The following CHST8 variants were observed in gnomAD, a reference collection of about 807,000 sequenced individuals.
CHST8 encodes GALNAC-4-ST1.
A neutral mutation model predicts 15.0 loss-of-function variants in CHST8; 10 were observed. The observed-to-expected ratio is 0.67, with a 90% CI of 0.41 to 1.13. The LOEUF is 1.13. Ranked by LOEUF, CHST8 falls within the 50% of genes most tolerant of loss-of-function variation. The pLI, the probability that CHST8 is intolerant of heterozygous loss-of-function variation, is 0.00. For missense variants in CHST8, 634 were observed against 608.2 expected (o/e 1.04, Z -0.45); for synonymous variants, 259 against 256.6 (o/e 1.01, Z -0.09).
intron 1 of CHST8, among the ~76,000 whole-genome samples, chr19:33,663,976 A>C (rs1388116318): frequency 2.0e-5 from 3 of 152,262 alleles, no homozygotes; most frequent in Non-Finnish European, 4.4e-5. Context: ...AAACCGTAGC[A>C]CAATATGTAC....
At chr19:33,745,273 A>G (rs1341584882) in intron 3 of CHST8, among the ~76,000 whole-genome samples, 1 of 152,166 alleles carries the variant, frequency 6.6e-6, no homozygotes, top group African/African-American at 2.4e-5. Flanking sequence ...AGCCAATGCC[A>G]TTGTTCCCAA....
chr19:33,672,960 G>T (rs564979608), intron 2 of CHST8, among the ~76,000 whole-genome samples: 3 of 152,180 alleles, frequency 2.0e-5, no homozygotes, highest in African/African-American at 7.2e-5. Flanking sequence ...GGCAGGACGC[G>T]CCCAGGTCCA....
At chr19:33,689,129 C>A in intron 2 of CHST8, 47 bp from the exon 3 acceptor site, 2 of 1,107,308 alleles carry the variant, frequency 1.8e-6, no homozygotes, top group Non-Finnish European at 2.4e-6. Flanking sequence ...TACACCTGCC[C>A]GGGTGCCTCG....
At chr19:33,724,839 C>T (rs1398402458) in intron 3 of CHST8, among the ~76,000 whole-genome samples, 2 of 152,202 alleles carry the variant, frequency 1.3e-5, no homozygotes, top group Non-Finnish European at 2.9e-5. Context: ...TGGGCACTGA[C>T]AGAGCCTGCT....
intron 3 of CHST8, among the ~76,000 whole-genome samples, chr19:33,723,535 C>T (rs553874187): frequency 6.6e-6 from 1 of 152,328 alleles, no homozygotes; most frequent in East Asian, 1.9e-4. Context: ...CCCTGCTCAG[C>T]TGGTGCCTAG....
At chr19:33,660,919 G>T (rs1972577435) in intron 1 of CHST8, among the ~76,000 whole-genome samples, 1 of 152,100 alleles carries the variant, frequency 6.6e-6, no homozygotes, top group Admixed American at 6.5e-5. Context: ...TGAAGCCAAA[G>T]ACCCTCCCAG....
intron 3 of CHST8, among the ~76,000 whole-genome samples, chr19:33,759,827 G>T (rs1379548594): frequency 1.3e-5 from 2 of 152,196 alleles, no homozygotes; most frequent in East Asian, 3.9e-4. Context: ...GCGAGTTCAG[G>T]CCAACTTGTC....
At chr19:33,707,487 T>A (rs888608870) in intron 3 of CHST8, among the ~76,000 whole-genome samples, 1 of 152,234 alleles carries the variant, frequency 6.6e-6, no homozygotes, top group African/African-American at 2.4e-5. Flanking sequence ...TTTCTAAACA[T>A]TTCATATCAA....
At chr19:33,752,421 C>T (rs961454375) in intron 3 of CHST8, among the ~76,000 whole-genome samples, 1 of 148,676 alleles carries the variant, frequency 6.7e-6, no homozygotes, top group African/African-American at 2.6e-5. Flanking sequence ...CATAAGATTC[C>T]TTTATCTCTT....
chr19:33,749,508 T>C (rs1396542509), intron 3 of CHST8, among the ~76,000 whole-genome samples: 1 of 146,706 alleles, frequency 6.8e-6, no homozygotes, highest in African/African-American at 2.5e-5. Context: ...GCCGATGCTA[T>C]GAGCTCTTCA....
At chr19:33,719,825 G>A (rs1370585233) in intron 3 of CHST8, among the ~76,000 whole-genome samples, 1 of 152,010 alleles carries the variant, frequency 6.6e-6, no homozygotes. Context: ...CATGACACGT[G>A]ATACCCACTG....
intron 3 of CHST8, among the ~76,000 whole-genome samples, chr19:33,703,971 G>T (rs1349184124): frequency 3.3e-5 from 5 of 152,218 alleles, no homozygotes; most frequent in Non-Finnish European, 7.3e-5. Context: ...GGGGGTGGAG[G>T]AGCTCCTGGG....
chr19:33,692,237 G>T lies in CHST8; in HGVS notation c.130+2846G>T, dbSNP rs116570454. On this transcript the variant is annotated intron_variant, in intron 3 of 4. Coordinates refer to ENST00000650847, the MANE Select transcript of CHST8 (RefSeq NM_001127895.2). The stretch of plus-strand genomic sequence containing the variant: ...ATCCGATGCGAAGATGAAGTTTTGT[G>T]TAACAGAGAATTCACTTCTCCAGTT... 9.5e-3 allele frequency among the ~76,000 whole-genome samples: 1,447 copies of T among 152,314 alleles called. 21 individuals carry two copies. Among genetic ancestry groups the T allele is most frequent in the African/African-American group, 0.032 (1,321 of 41,574 alleles).
intron 3 of CHST8, among the ~76,000 whole-genome samples, chr19:33,766,020 A>G (rs1322636461): frequency 1.3e-5 from 2 of 152,088 alleles, no homozygotes; most frequent in African/African-American, 2.4e-5. Flanking sequence ...CCTCCTTCCC[A>G]TGCAAGCTGC....
chr19:33,772,104 C>A lies in CHST8; in HGVS notation c.316C>A (p.Arg106=). Residue 106 remains arginine (R), a synonymous_variant, in exon 5 of 5, where the codon CGG becomes AGG. Transcript: ENST00000650847. Reference sequence around the variant, plus strand: ...CCCGCTGCAGAGGGGAACCCGTCTGCGGCTCCGCCAGCGCCGTCGCCGTCT... The same window carrying A: ...CCCGCTGCAGAGGGGAACCCGTCTGAGGCTCCGCCAGCGCCGTCGCCGTCT... ...QPPLQRGTRL[R]LRQRRRRLLI... The A allele has an allele frequency of 6.2e-7, 1 of 1,611,584 alleles. No individual in the cohort carries two copies. Among genetic ancestry groups the A allele is most frequent in the South Asian group, 1.1e-5 (1 of 91,010 alleles).
chr19:33,720,834 C>A (rs889604570), intron 3 of CHST8, among the ~76,000 whole-genome samples: 1 of 152,258 alleles, frequency 6.6e-6, no homozygotes, highest in Non-Finnish European at 1.5e-5. Context: ...AGCCTGGGAG[C>A]TGGGGCCAGT....
In CHST8 at chr19:33,681,688, A is replaced by G. The variant is rs1237317733; in HGVS notation, c.-86-7488A>G. Among the ~76,000 whole-genome samples the G allele has an allele frequency of 2.0e-5, 3 of 152,308 alleles. No individual in the cohort carries two copies. The East Asian group carries it at 5.8e-4, about 29-fold the overall frequency. ...CTGCAGGGAACTTGGGAACTCATCT[A>G]CAGCAGGTATTTTGGATGAGGACTG... is the stretch of plus-strand genomic sequence containing the variant. On this transcript the variant is annotated intron_variant, in intron 2 of 4. Transcript: ENST00000650847.
chr19:33,704,189 G>A (rs926934904), intron 3 of CHST8, among the ~76,000 whole-genome samples: 10 of 152,210 alleles, frequency 6.6e-5, no homozygotes, highest in East Asian at 5.8e-4. Flanking sequence ...ATGATGATCC[G>A]TGAGCCCCTC....
intron 3 of CHST8, among the ~76,000 whole-genome samples, chr19:33,694,819 G>A (rs1973179261): frequency 1.3e-5 from 2 of 152,122 alleles, no homozygotes; most frequent in South Asian, 2.1e-4. Context: ...AGCTTCAGGC[G>A]ATCTACCTGC....
Sources: gnomAD v4.1 joint callset for allele counts (sites outside exome capture counted in the v4.1 genomes callset) on GRCh38, gnomAD v4.1.1 for gene constraint, MANE v1.5 for transcripts, NCBI Gene and HGNC (gene_info 2026-07-23, HGNC 2026-07-21) for gene names.